Variants in GALNT13 observed in about 807,000 individuals in gnomAD.
GALNT13 encodes the protein polypeptide N-acetylgalactosaminyltransferase 13.
GALNT13 carries 28 observed loss-of-function variants against 64.2 expected under a neutral mutation model. That is an observed-to-expected ratio of 0.44 (90% confidence interval 0.32 to 0.60). The LOEUF (loss-of-function observed/expected upper bound fraction) is 0.60. GALNT13 is among the 20% of genes least tolerant of loss of function. The probability of loss-of-function intolerance (pLI) is 0.05; values close to 1 mark genes in which losing one functional copy is unlikely to be tolerated. For missense variants in GALNT13, 577 were observed against 669.8 expected, an observed-to-expected ratio of 0.86 and a Z score of 1.53; for synonymous variants, 214 against 224.6, an observed-to-expected ratio of 0.95 and a Z score of 0.42.
chr2:153,496,773 G>A, the GALNT13 span, among the ~76,000 whole-genome samples: 3 of 151,874 alleles, frequency 2.0e-5, no homozygotes, highest in African/African-American at 7.3e-5. Context: ...ATCATCTGAG[G>A]TCAGTGGTTC....
the GALNT13 span, among the ~76,000 whole-genome samples, chr2:153,693,324 G>A: frequency 6.6e-6 from 1 of 152,116 alleles, no homozygotes; most frequent in African/African-American, 2.4e-5. Flanking sequence ...TTTGTGAATC[G>A]TATTCGGATT....
intron 9 of GALNT13, among the ~76,000 whole-genome samples, chr2:154,375,635 T>G (rs879690131): frequency 6.6e-6 from 1 of 152,060 alleles, no homozygotes; most frequent in Non-Finnish European, 1.5e-5. Context: ...AAGAATCAAT[T>G]TATTCTTCCC....
chr2:154,334,878 C>T (rs1695355974), intron 9 of GALNT13, among the ~76,000 whole-genome samples: 1 of 151,956 alleles, frequency 6.6e-6, no homozygotes, highest in South Asian at 2.1e-4. Context: ...CAGGCTGCTG[C>T]TTAACTCTTC....
chr2:154,122,479 T>C (rs1348293053), intron 3 of GALNT13, among the ~76,000 whole-genome samples: 1 of 152,032 alleles, frequency 6.6e-6, no homozygotes, highest in Non-Finnish European at 1.5e-5. Flanking sequence ...TTCTTCTTTC[T>C]GGAAAAATTG....
chr2:153,973,183 AGG>A (rs1693856217), intron 3 of GALNT13, among the ~76,000 whole-genome samples: 1 of 151,910 alleles, frequency 6.6e-6, no homozygotes, highest in African/African-American at 2.4e-5. Context: ...CAAGTAGTAG[AGG>A]CCAAGATAAA....
At chr2:153,418,751 AGG>A in the GALNT13 span, among the ~76,000 whole-genome samples, 1 of 152,028 alleles carries the variant, frequency 6.6e-6, no homozygotes, top group Non-Finnish European at 1.5e-5. Flanking sequence ...CCAGCTACTC[AGG>A]GGGCTGAGGT....
chr2:154,020,483 C>A (rs1224511954), intron 3 of GALNT13, among the ~76,000 whole-genome samples: 1 of 152,108 alleles, frequency 6.6e-6, no homozygotes, highest in African/African-American at 2.4e-5. Context: ...TGTTTTTTGG[C>A]TGCATAAATG....
At chr2:154,436,738 T>C (rs1431276929) in intron 11 of GALNT13, 1 of 152,192 alleles carries the variant, frequency 6.6e-6, no homozygotes, top group Non-Finnish European at 1.5e-5. Context: ...ATAAAAAACA[T>C]ATGAACATGA....
chr2:154,225,579 T>A (rs1240573559), intron 4 of GALNT13, among the ~76,000 whole-genome samples: 1 of 152,128 alleles, frequency 6.6e-6, no homozygotes, highest in African/African-American at 2.4e-5. Flanking sequence ...TATCAATAGA[T>A]GACGTAGGTA....
chr2:153,743,559 G>C, the GALNT13 span, among the ~76,000 whole-genome samples: 1 of 151,698 alleles, frequency 6.6e-6, no homozygotes, highest in Non-Finnish European at 1.5e-5. Context: ...GTATATTATA[G>C]AGGCATATAT....
At chr2:153,727,143 C>T in the GALNT13 span, among the ~76,000 whole-genome samples, 1 of 152,022 alleles carries the variant, frequency 6.6e-6, no homozygotes, top group Non-Finnish European at 1.5e-5. Context: ...TTCAAGCTTA[C>T]CTTTTTTGGA....
chr2:153,628,963 A>G, the GALNT13 span, among the ~76,000 whole-genome samples: 1 of 152,070 alleles, frequency 6.6e-6, no homozygotes, highest in African/African-American at 2.4e-5. Context: ...TCAGCTGTGA[A>G]TCTGTCTGGT....
At chr2:154,134,050 GT>G (rs1682806023) in intron 3 of GALNT13, among the ~76,000 whole-genome samples, 1 of 152,034 alleles carries the variant, frequency 6.6e-6, no homozygotes, top group Non-Finnish European at 1.5e-5. Context: ...CACACGGGAA[GT>G]TTTTATGAGC....
At chr2:153,872,632 G>GAGGGT (rs1686050894) in intron 1 of GALNT13, among the ~76,000 whole-genome samples, 1 of 129,772 alleles carries the variant, frequency 7.7e-6, no homozygotes. Context: ...GGGGGGGGGG[G>GAGGGT]GGAGCGGCTC....
At chr2:154,073,442 T>G (rs2105395239) in intron 3 of GALNT13, among the ~76,000 whole-genome samples, 1 of 152,094 alleles carries the variant, frequency 6.6e-6, no homozygotes, top group Middle Eastern at 3.4e-3. Flanking sequence ...AAGTGACAAT[T>G]TGAATTTTAG....
chr2:153,864,988 C>G, the GALNT13 span, among the ~76,000 whole-genome samples: 1 of 148,680 alleles, frequency 6.7e-6, no homozygotes, highest in Non-Finnish European at 1.5e-5. Context: ...CAGAACAGAG[C>G]CCTCAGAAAT....
the GALNT13 span, among the ~76,000 whole-genome samples, chr2:153,301,758 T>C: frequency 2.0e-5 from 3 of 152,124 alleles, no homozygotes; most frequent in African/African-American, 7.2e-5. Context: ...AGTGAGGTTA[T>C]ATGGTCTTTG....
At chr2:154,446,003 T>C (rs1017359778) in intron 12 of GALNT13, 2 of 378,408 alleles carry the variant, frequency 5.3e-6, no homozygotes, top group Non-Finnish European at 1.0e-5. Context: ...TTATCTACCT[T>C]TCTAATTGAC....
intron 3 of GALNT13, among the ~76,000 whole-genome samples, chr2:153,988,482 AT>A (rs372249145): frequency 1.9e-4 from 29 of 152,096 alleles, no homozygotes; most frequent in African/African-American, 6.5e-4. Context: ...GTTAATCCAC[AT>A]TATAAAAAAT....
Sources: gnomAD v4.1 joint callset for allele counts (sites outside exome capture counted in the v4.1 genomes callset) on GRCh38, gnomAD v4.1.1 for gene constraint, MANE v1.5 for transcripts, NCBI Gene and HGNC (gene_info 2026-07-23, HGNC 2026-07-21) for gene names.